Variants in CSMD1 observed in about 807,000 individuals in gnomAD.
CSMD1 encodes CUB and Sushi multiple domains 1.
A neutral mutation model predicts 417.5 loss-of-function variants in CSMD1; 213 were observed. The observed-to-expected ratio is 0.51, with a 90% CI of 0.46 to 0.57. CSMD1 has a LOEUF of 0.57. CSMD1 is among the 20% of genes least tolerant of loss of function. The probability of loss-of-function intolerance (pLI) is 0.00; values close to 1 mark genes in which losing one functional copy is unlikely to be tolerated. For synonymous variants in CSMD1, 2,862 were observed against 1,736.8 expected, an observed-to-expected ratio of 1.65 and a Z score of -16.11; for missense variants, 6,923 against 4,529.7, an observed-to-expected ratio of 1.53 and a Z score of -15.17.
chr8:4,572,159 A>G (rs748345953), intron 2 of CSMD1, among the ~76,000 whole-genome samples: 3 of 152,198 alleles, frequency 2.0e-5, no homozygotes, highest in Admixed American at 2.0e-4. Flanking sequence ...ACCTGTCATC[A>G]TGGTGCTATC....
intron 26 of CSMD1, among the ~76,000 whole-genome samples, chr8:3,283,894 C>G (rs1802934897): frequency 6.6e-6 from 1 of 152,236 alleles, no homozygotes; most frequent in Non-Finnish European, 1.5e-5. Context: ...CAGTGGCATG[C>G]AAAATGCACA....
intron 4 of CSMD1, among the ~76,000 whole-genome samples, chr8:4,023,649 C>A (rs1463392499): frequency 6.7e-6 from 1 of 148,990 alleles, no homozygotes; most frequent in Non-Finnish European, 1.5e-5. Context: ...TGCAGTGGCG[C>A]GATCTCGGCT....
intron 4 of CSMD1, among the ~76,000 whole-genome samples, chr8:3,999,711 G>A (rs752275111): frequency 3.3e-5 from 5 of 152,132 alleles, no homozygotes; most frequent in Non-Finnish European, 7.3e-5. Flanking sequence ...GTCAACTAAT[G>A]CTAATGGCAG....
At chr8:4,017,838 G>A (rs1585140024) in intron 4 of CSMD1, among the ~76,000 whole-genome samples, 1 of 152,152 alleles carries the variant, frequency 6.6e-6, no homozygotes, top group Non-Finnish European at 1.5e-5. Flanking sequence ...CTGTTTGGGT[G>A]ACTGTATATC....
At chr8:3,652,142 A>T (rs1797889190) in intron 7 of CSMD1, among the ~76,000 whole-genome samples, 1 of 150,258 alleles carries the variant, frequency 6.7e-6, no homozygotes, top group Non-Finnish European at 1.5e-5. Flanking sequence ...TACCACCATC[A>T]GAGCGCTTAC....
At chr8:3,166,652 G>A (rs931065958) in intron 37 of CSMD1, among the ~76,000 whole-genome samples, 1 of 152,188 alleles carries the variant, frequency 6.6e-6, no homozygotes, top group African/African-American at 2.4e-5. Flanking sequence ...TGTCAAGCCA[G>A]GGGTAGCAGT....
intron 10 of CSMD1, among the ~76,000 whole-genome samples, chr8:3,545,941 T>G (rs1798640439): frequency 6.6e-6 from 1 of 152,182 alleles, no homozygotes; most frequent in Admixed American, 6.5e-5. Flanking sequence ...CAGGGTGCAG[T>G]GGGAGAAACT....
chr8:3,787,690 GT>G (rs1416117182), intron 5 of CSMD1, among the ~76,000 whole-genome samples: 4 of 152,114 alleles, frequency 2.6e-5, no homozygotes, highest in Non-Finnish European at 5.9e-5. Context: ...ATTATTGTAA[GT>G]TTTCACACAA....
At chr8:4,753,999 C>T (rs940005201) in intron 1 of CSMD1, among the ~76,000 whole-genome samples, 7 of 152,182 alleles carry the variant, frequency 4.6e-5, no homozygotes, top group Admixed American at 3.9e-4. Context: ...TAAAAATAGT[C>T]TGCCCAGCTA....
At chr8:3,193,823 C>T (rs754922996) in intron 33 of CSMD1, among the ~76,000 whole-genome samples, 1 of 152,106 alleles carries the variant, frequency 6.6e-6, no homozygotes, top group Non-Finnish European at 1.5e-5. Context: ...CGGGAAAAGC[C>T]GGAAGCATGT....
intron 3 of CSMD1, among the ~76,000 whole-genome samples, chr8:4,041,990 C>A (rs1397071948): frequency 6.6e-6 from 1 of 151,604 alleles, no homozygotes; most frequent in Non-Finnish European, 1.5e-5. Flanking sequence ...GATTTCCAAG[C>A]AAAAACAAAG....
At chr8:3,184,281 A>G (rs143674215) in intron 36 of CSMD1, among the ~76,000 whole-genome samples, 104 of 152,308 alleles carry the variant, frequency 6.8e-4, no homozygotes, top group African/African-American at 2.5e-3. Context: ...ACTCAATTCA[A>G]TAAACATGAG....
intron 21 of CSMD1, among the ~76,000 whole-genome samples, chr8:3,358,385 G>C (rs13272314): frequency 0.32 from 48,605 of 152,088 alleles, 8,970 homozygotes; most frequent in African/African-American, 0.51. Flanking sequence ...GGAACTAGAC[G>C]TTGTCCGTAT....
intron 1 of CSMD1, among the ~76,000 whole-genome samples, chr8:4,691,946 A>G (rs927568617): frequency 2.0e-5 from 3 of 152,224 alleles, no homozygotes; most frequent in African/African-American, 7.2e-5. Flanking sequence ...GTTTATGGCA[A>G]ATAAACTGCA....
Position 3,348,010 on chromosome 8 carries a change from A to G in CSMD1, c.3456T>C (p.Phe1152=), listed in dbSNP as rs201143539. The stretch of plus-strand genomic sequence containing the variant: ...TTTTTACCTTTAGAGTATCTCCTTC[A>G]AACAGCTGGAAGCTTCGTGTTCTAA... ...IHLRTRSFQL[F]EGDTLKVYDG... Residue 1152 remains phenylalanine, a synonymous_variant, in exon 22 of 70, where the codon TTT becomes TTC. Coordinates refer to ENST00000635120, the MANE Select transcript of CSMD1 (RefSeq NM_033225.6). 145 of 1,600,238 alleles carry G rather than the reference A, an allele frequency of 9.1e-5. No homozygotes were observed. In the African/African-American group the frequency reaches 1.7e-3, roughly 19 times the overall value.
chr8:4,685,956 A>C (rs924024396), intron 1 of CSMD1, among the ~76,000 whole-genome samples: 4 of 152,242 alleles, frequency 2.6e-5, no homozygotes, highest in African/African-American at 9.6e-5. Flanking sequence ...TGACGTTGTT[A>C]TAAACACAAA....
At chr8:3,783,856 T>C (rs1799309168) in intron 5 of CSMD1, among the ~76,000 whole-genome samples, 1 of 152,192 alleles carries the variant, frequency 6.6e-6, no homozygotes, top group Admixed American at 6.5e-5. Context: ...GATGACTGTT[T>C]TCACCTCAGG....
chr8:4,810,750 G>A (rs1272456649), intron 1 of CSMD1, among the ~76,000 whole-genome samples: 1 of 152,242 alleles, frequency 6.6e-6, no homozygotes, highest in African/African-American at 2.4e-5. Context: ...TATTTGCTCT[G>A]AAATAATTGA....
chr8:3,250,707 C>G (rs369141655), intron 26 of CSMD1, among the ~76,000 whole-genome samples: 1 of 152,304 alleles, frequency 6.6e-6, no homozygotes, highest in Admixed American at 6.5e-5. Flanking sequence ...TCTCCACATC[C>G]TCTCCAGCAC....
Sources: allele counts gnomAD v4.1 joint callset (sites outside exome capture counted in the v4.1 genomes callset), GRCh38; gene constraint gnomAD v4.1.1; transcripts MANE v1.5; gene names NCBI Gene and HGNC (gene_info 2026-07-23, HGNC 2026-07-21).